The following CLTRN variants were observed in gnomAD, a reference collection of about 807,000 sequenced individuals.
CLTRN encodes collectrin, amino acid transport regulator.
Under a neutral mutation model 14.5 loss-of-function variants are expected in CLTRN, and 12 were observed. The ratio of observed to expected loss-of-function variants is 0.83; its 90% confidence interval spans 0.53 to 1.34. The LOEUF (loss-of-function observed/expected upper bound fraction) is 1.34, where lower values mean the gene tolerates loss of function less well. CLTRN is among the 40% of genes most tolerant of loss of function. CLTRN has a pLI of 0.00. For synonymous variants in CLTRN, 58 were observed against 56.5 expected, an observed-to-expected ratio of 1.03 and a Z score of -0.12; for missense variants, 154 against 165.1, an observed-to-expected ratio of 0.93 and a Z score of 0.37.
upstream of CLTRN, among the ~76,000 whole-genome samples, chrX:15,665,390 C>T (rs1468510531): frequency 8.9e-6 from 1 of 112,005 alleles, no homozygotes; most frequent in Non-Finnish European, 1.9e-5. Context: ...TGCTTATTAT[C>T]TGGGTGACAA....
chrX:15,650,038 G>A (rs748404610), intron 3 of CLTRN, among the ~76,000 whole-genome samples: 3 of 100,655 alleles, frequency 3.0e-5, no homozygotes, highest in African/African-American at 1.1e-4. Flanking sequence ...CTAGGTTGTC[G>A]GGGACTGTCT....
chrX:15,658,368 G>A (rs1414602277), intron 3 of CLTRN, among the ~76,000 whole-genome samples: 1 of 112,375 alleles, frequency 8.9e-6, no homozygotes, highest in East Asian at 2.8e-4. Flanking sequence ...GCTATCATTT[G>A]GGGATGGCTA....
rs1369046611 is a variant in CLTRN at position 15,660,904 on chromosome X, A to G, written c.118-1803T>C. On this transcript the variant is annotated intron_variant, in intron 2 of 5. Transcript: ENST00000380342. ...TGCAAATGTTAAATACTGCATTTTA[A>G]TGTCAACTTTAGATCTTATTTGAAG... Among the ~76,000 whole-genome samples, 3 of 112,364 alleles carry G rather than the reference A, an allele frequency of 2.7e-5. No homozygotes were observed. In the East Asian group the frequency reaches 8.3e-4, roughly 31 times the overall value.
intron 1 of CLTRN, among the ~76,000 whole-genome samples, chrX:15,670,291 AC>A (rs1181177970): frequency 4.3e-5 from 4 of 92,835 alleles, no homozygotes; most frequent in Non-Finnish European, 8.3e-5. Flanking sequence ...AATAAAAAAA[AC>A]AAAAACCAAA....
chrX:15,655,429 C>G (rs1000954335), intron 3 of CLTRN, among the ~76,000 whole-genome samples: 1 of 111,660 alleles, frequency 9.0e-6, no homozygotes, highest in Non-Finnish European at 1.9e-5. Flanking sequence ...GACACGCTGA[C>G]TGATTTCCTC....
chrX:15,653,077 T>G (rs1334000519), intron 3 of CLTRN, among the ~76,000 whole-genome samples: 1 of 110,966 alleles, frequency 9.0e-6, no homozygotes, highest in Non-Finnish European at 1.9e-5. Context: ...CGAGACTCCA[T>G]CTCAAAAAAA....
At chrX:15,628,426 G>A (rs1396752645) in intron 5 of CLTRN, among the ~76,000 whole-genome samples, 1 of 111,861 alleles carries the variant, frequency 8.9e-6, no homozygotes, top group Non-Finnish European at 1.9e-5. Flanking sequence ...GAATATGAGT[G>A]TATATGCACA....
chrX:15,674,281 G>C lies in CLTRN; in HGVS notation c.-506+708C>G, dbSNP rs536018699. ...TAAAAAAGCGTAATCTTGGAGCAGG[G>C]GGCTGCAAACAGAGGTCTGAATGTG... On this transcript the variant is annotated intron_variant, in intron 1 of 6. Coordinates refer to the CLTRN transcript ENST00000650271. 2.7e-5 allele frequency among the ~76,000 whole-genome samples: 3 copies of C among 111,907 alleles called. No homozygotes were observed. The South Asian group carries it at 1.1e-3, about 42-fold the overall frequency.
At chrX:15,670,316 C>CACAG (rs1286611920) in intron 1 of CLTRN, among the ~76,000 whole-genome samples, 1 of 104,895 alleles carries the variant, frequency 9.5e-6, no homozygotes, top group African/African-American at 3.5e-5. Flanking sequence ...AAAACACACA[C>CACAG]ACACACACAC....
intron 2 of CLTRN, 41 bp downstream of exon 2, chrX:15,664,296 G>C (rs377176741): frequency 9.9e-5 from 107 of 1,077,209 alleles, no homozygotes; most frequent in Non-Finnish European, 1.3e-4. Flanking sequence ...AGTGTTATTA[G>C]CAAACAAAAT....
At chrX:15,644,647 C>T (rs951843216) in intron 4 of CLTRN, among the ~76,000 whole-genome samples, 1 of 111,402 alleles carries the variant, frequency 9.0e-6, no homozygotes, top group Middle Eastern at 4.2e-3. Context: ...TACCACCACC[C>T]CCTCCAGCTG....
At chrX:15,656,443 T>C (rs940769642) in intron 3 of CLTRN, among the ~76,000 whole-genome samples, 4 of 111,741 alleles carry the variant, frequency 3.6e-5, no homozygotes, top group Non-Finnish European at 1.9e-5. Context: ...CTTTACAGTT[T>C]TCTGCAATAT....
At chrX:15,655,854 A>C (rs969363411) in intron 3 of CLTRN, among the ~76,000 whole-genome samples, 24 of 112,085 alleles carry the variant, frequency 2.1e-4, no homozygotes, top group Admixed American at 9.5e-5. Context: ...TCTTAAAGAC[A>C]ACTGTATCCT....
intron 1 of CLTRN, among the ~76,000 whole-genome samples, chrX:15,670,618 T>C (rs915920298): frequency 2.7e-5 from 3 of 111,486 alleles, no homozygotes; most frequent in South Asian, 7.5e-4. Flanking sequence ...GTCTATTGTG[T>C]GTAAGTTCTA....
At position 15,670,879 on chromosome X, in the gene CLTRN, A is replaced by AGTGTGT. The variant is rs543420208; in HGVS notation, c.-505-2949_-505-2944dup. On this transcript the variant is annotated intron_variant, in intron 1 of 6. Coordinates refer to the CLTRN transcript ENST00000650271. ...AAGAACAGAAGAAAAAAGGGAGACA[A>AGTGTGT]GTGTGTGTGTGTGTGTGTGTGTGTG... 9.4e-5 allele frequency among the ~76,000 whole-genome samples: 8 copies of AGTGTGT among 85,084 alleles called. No homozygotes were observed. In the South Asian group the frequency reaches 2.8e-3, roughly 30 times the overall value. 73.9% of individuals were successfully genotyped at this position (85,084 alleles called of 115,157 possible).
intron 5 of CLTRN, among the ~76,000 whole-genome samples, chrX:15,634,278 G>A (rs1344176412): frequency 9.0e-6 from 1 of 111,284 alleles, no homozygotes; most frequent in Non-Finnish European, 1.9e-5. Flanking sequence ...CTCTGATTTT[G>A]TCTTCTCATC....
At chrX:15,654,337 T>C (rs1247352871) in intron 3 of CLTRN, among the ~76,000 whole-genome samples, 3 of 112,793 alleles carry the variant, frequency 2.7e-5, no homozygotes, top group African/African-American at 9.7e-5. Context: ...CTAAAAATGA[T>C]AAATTATCTA....
At chrX:15,635,510 T>A (rs1364708976) in intron 5 of CLTRN, among the ~76,000 whole-genome samples, 1 of 112,270 alleles carries the variant, frequency 8.9e-6, no homozygotes, top group East Asian at 2.8e-4. Flanking sequence ...TCAACAAAGA[T>A]GGCAAGAACA....
chrX:15,668,290 T>C (rs6632705), upstream of CLTRN, among the ~76,000 whole-genome samples: 996 of 112,046 alleles, frequency 8.9e-3, 29 homozygotes, highest in East Asian at 0.12. Flanking sequence ...CGCACCCTTG[T>C]CTTCTTCTTT....
Sources: gnomAD v4.1 joint callset for allele counts (sites outside exome capture counted in the v4.1 genomes callset) on GRCh38, gnomAD v4.1.1 for gene constraint, MANE v1.5 for transcripts, NCBI Gene and HGNC (gene_info 2026-07-23, HGNC 2026-07-21) for gene names.